The following AUTS2 variants were observed in gnomAD, a reference collection of about 807,000 sequenced individuals.
AUTS2 encodes autism susceptibility gene 2 protein.
In AUTS2, 17 loss-of-function variants were observed where a neutral mutation model predicts 112.4. The ratio of observed to expected loss-of-function variants is 0.15; its 90% CI spans 0.10 to 0.23. AUTS2 has a LOEUF of 0.23. Ranked by LOEUF, AUTS2 falls within the 10% of genes least tolerant of loss-of-function variation. The pLI is 1.00. For missense variants in AUTS2, 1,510 were observed against 1,701.6 expected, an observed-to-expected ratio of 0.89 and a Z score of 1.98; for synonymous variants, 751 against 702.7, an observed-to-expected ratio of 1.07 and a Z score of -1.09.
intron 4 of AUTS2, among the ~76,000 whole-genome samples, chr7:70,373,240 T>C (rs1792924247): frequency 6.6e-6 from 1 of 152,034 alleles, no homozygotes; most frequent in African/African-American, 2.4e-5. Context: ...TGCTGGATGT[T>C]AAATGTTTCT....
At chr7:69,968,767 G>T (rs2129547720) in intron 2 of AUTS2, among the ~76,000 whole-genome samples, 2 of 152,016 alleles carry the variant, frequency 1.3e-5, no homozygotes. Context: ...ATGATTATAT[G>T]CATAAGCACA....
At chr7:69,902,928 A>C (rs1284539229) in intron 2 of AUTS2, among the ~76,000 whole-genome samples, 2 of 152,146 alleles carry the variant, frequency 1.3e-5, no homozygotes, top group Non-Finnish European at 2.9e-5. Context: ...TGATATGAGA[A>C]ATTTGAATAC....
At chr7:69,606,348 A>G (rs1792713793) in intron 1 of AUTS2, among the ~76,000 whole-genome samples, 1 of 94,146 alleles carries the variant, frequency 1.1e-5, no homozygotes, top group African/African-American at 3.4e-5. Flanking sequence ...GCTATTAGGA[A>G]TAATTTAGGT....
At chr7:70,475,117 G>T (rs562776454) in intron 5 of AUTS2, among the ~76,000 whole-genome samples, 1 of 152,334 alleles carries the variant, frequency 6.6e-6, no homozygotes, top group South Asian at 2.1e-4. Flanking sequence ...CCATTCTGAT[G>T]TGTGGAGGGC....
intron 1 of AUTS2, among the ~76,000 whole-genome samples, chr7:69,704,820 G>T (rs1289414391): frequency 1.3e-5 from 2 of 152,100 alleles, no homozygotes; most frequent in Non-Finnish European, 2.9e-5. Context: ...TTGATATTCT[G>T]ACTCAGTTTC....
chr7:70,703,490 CAAAAAAAA>C (rs57223380), intron 6 of AUTS2, among the ~76,000 whole-genome samples: 7 of 98,638 alleles, frequency 7.1e-5, no homozygotes, highest in Non-Finnish European at 1.2e-4. Context: ...GACACCATTT[CAAAAAAAA>C]AAAAAAAAAA....
intron 4 of AUTS2, among the ~76,000 whole-genome samples, chr7:70,338,949 G>A (rs138208186): frequency 0.066 from 9,941 of 151,284 alleles, 474 homozygotes; most frequent in Non-Finnish European, 0.11. Flanking sequence ...TGCAAGCTCC[G>A]CCTCCCGGGT....
chr7:70,506,282 G>T (rs913411504), intron 5 of AUTS2, among the ~76,000 whole-genome samples: 1 of 152,210 alleles, frequency 6.6e-6, no homozygotes, highest in Non-Finnish European at 1.5e-5. Context: ...AGTAGCGAGG[G>T]CAATGCATCT....
chr7:70,543,714 C>T (rs1032342875), intron 5 of AUTS2, among the ~76,000 whole-genome samples: 1 of 152,136 alleles, frequency 6.6e-6, no homozygotes, highest in Non-Finnish European at 1.5e-5. Flanking sequence ...AGCCATGGGC[C>T]TCCTCCTGTT....
chr7:69,810,744 C>T (rs1000545870), intron 1 of AUTS2, among the ~76,000 whole-genome samples: 6 of 152,082 alleles, frequency 3.9e-5, no homozygotes, highest in Admixed American at 1.3e-4. Context: ...GACTAGGATT[C>T]GGAAGAAACT....
chr7:70,333,612 G>A (rs557389604), intron 4 of AUTS2, among the ~76,000 whole-genome samples: 25 of 152,268 alleles, frequency 1.6e-4, no homozygotes, highest in African/African-American at 6.0e-4. Context: ...ATATACCACA[G>A]AATACTATGC....
At chr7:70,233,822 G>A (rs541405393) in intron 4 of AUTS2, among the ~76,000 whole-genome samples, 1 of 152,306 alleles carries the variant, frequency 6.6e-6, no homozygotes, top group Admixed American at 6.5e-5. Flanking sequence ...AGATGCAGAA[G>A]GCTTGAAATA....
At position 70,037,941 on chromosome 7, in the gene AUTS2, A is replaced by G. The variant is rs376318349; in HGVS notation, c.523-80191A>G. ...ACTTCTGCTTTCGAGAACTTAACCT[A>G]TAAATATCCTTTGATACCCCGCCCC... On this transcript the variant is annotated intron_variant, in intron 2 of 18. Transcript: ENST00000342771. 5.0e-4 allele frequency among the ~76,000 whole-genome samples: 75 copies of G among 151,220 alleles called. No individual in the cohort carries two copies. In the East Asian group the frequency reaches 7.7e-3, roughly 15 times the overall value.
intron 5 of AUTS2, among the ~76,000 whole-genome samples, chr7:70,671,565 C>T (rs1807642921): frequency 6.6e-6 from 1 of 152,250 alleles, no homozygotes; most frequent in Non-Finnish European, 1.5e-5. Context: ...TATTCCCCTG[C>T]ATTTCAGAAA....
chr7:70,062,040 G>C (rs1050430221), intron 2 of AUTS2, among the ~76,000 whole-genome samples: 1 of 151,760 alleles, frequency 6.6e-6, no homozygotes, highest in Non-Finnish European at 1.5e-5. Context: ...CACCCACCTC[G>C]GCCTCCCAAA....
intron 5 of AUTS2, among the ~76,000 whole-genome samples, chr7:70,638,592 G>A (rs1309928953): frequency 6.6e-6 from 1 of 152,108 alleles, no homozygotes; most frequent in African/African-American, 2.4e-5. Flanking sequence ...ATAAAGGACT[G>A]TGCGAGCGAG....
chr7:69,917,387 T>C (rs1795625405), intron 2 of AUTS2, among the ~76,000 whole-genome samples: 1 of 146,606 alleles, frequency 6.8e-6, no homozygotes, highest in Non-Finnish European at 1.5e-5. Context: ...CCTACAAATC[T>C]GAATTTTTTT....
chr7:70,359,818 C>CA (rs1792178348), intron 4 of AUTS2, among the ~76,000 whole-genome samples: 1 of 152,186 alleles, frequency 6.6e-6, no homozygotes, highest in Non-Finnish European at 1.5e-5. Context: ...TAAGAGGACA[C>CA]AAACTCTATC....
intron 2 of AUTS2, among the ~76,000 whole-genome samples, chr7:70,063,748 G>A (rs998527840): frequency 3.9e-5 from 6 of 152,034 alleles, no homozygotes; most frequent in East Asian, 3.9e-4. Flanking sequence ...AGAACACCGC[G>A]AAAAGAGCTC....
Sources: gnomAD v4.1 joint callset for allele counts (sites outside exome capture counted in the v4.1 genomes callset) on GRCh38, gnomAD v4.1.1 for gene constraint, MANE v1.5 for transcripts, NCBI Gene and HGNC (gene_info 2026-07-23, HGNC 2026-07-21) for gene names.